Variants in ITGAL observed in about 807,000 individuals in gnomAD.
The protein encoded by ITGAL is integrin subunit alpha L.
Under a neutral mutation model 138.4 loss-of-function variants are expected in ITGAL, and 68 were observed. The ratio of observed to expected loss-of-function variants is 0.49; its 90% confidence interval spans 0.40 to 0.60. The LOEUF is 0.60. ITGAL is among the 20% of genes least tolerant of loss of function. The pLI, the probability that ITGAL is intolerant of heterozygous loss-of-function variation, is 0.00. For synonymous variants in ITGAL, 561 were observed against 584.3 expected (o/e 0.96, Z 0.57); for missense variants, 1,256 against 1,478.6 (o/e 0.85, Z 2.47).
In ITGAL at chr16:30,496,482, G is replaced by A. The variant is rs1471535570; in HGVS notation, c.1748G>A (p.Arg583His). ...QVLSGIQWFG[R>H]SIHGVKDLEG... ...CTCTCAGGAATTCAGTGGTTTGGACGCTCCATCCATGGGGTGAAGGACCTT... is the reference window on the plus strand; with the variant it reads ...CTCTCAGGAATTCAGTGGTTTGGACACTCCATCCATGGGGTGAAGGACCTT... Residue 583 changes from arginine (R) to histidine (H), a missense_variant, in exon 15 of 31, where the codon CGC becomes CAC. Arg to His is a conservative substitution (Grantham distance 29). Transcript: ENST00000356798. 1.2e-6 allele frequency: 2 copies of A among 1,613,602 alleles called. No individual in the cohort carries two copies. Among genetic ancestry groups the A allele is most frequent in the Admixed American group, 1.7e-5 (1 of 59,934 alleles).
chr16:30,520,767 G>A (rs1043082695), intron 30 of ITGAL, among the ~76,000 whole-genome samples: 1 of 152,200 alleles, frequency 6.6e-6, no homozygotes, highest in African/African-American at 2.4e-5. Flanking sequence ...GGCATTTGAG[G>A]TGGGATTTGA....
intron 17 of ITGAL, among the ~76,000 whole-genome samples, chr16:30,503,655 G>A (rs549131220): frequency 6.6e-6 from 1 of 151,840 alleles, no homozygotes; most frequent in African/African-American, 2.4e-5. Context: ...AAGGAAGGAA[G>A]GGAGAGCTCA....
chr16:30,516,541 A>C (rs904225715), intron 25 of ITGAL, among the ~76,000 whole-genome samples: 1 of 151,986 alleles, frequency 6.6e-6, no homozygotes, highest in African/African-American at 2.4e-5. Context: ...TGTGTCAAGC[A>C]GTAGGGGATT....
intron 4 of ITGAL, among the ~76,000 whole-genome samples, chr16:30,478,283 A>G (rs1310202097): frequency 1.3e-5 from 2 of 150,758 alleles, no homozygotes; most frequent in Admixed American, 1.3e-4. Context: ...GCAGTGAGCC[A>G]AGATCGCACC....
chr16:30,508,276 C>T (rs1455590370), intron 21 of ITGAL, among the ~76,000 whole-genome samples: 3 of 143,794 alleles, frequency 2.1e-5, no homozygotes, highest in Non-Finnish European at 4.5e-5. Context: ...TGCAATGGCG[C>T]AATCTCGGCT....
At chr16:30,488,276 T>C (rs748193213) in intron 9 of ITGAL, among the ~76,000 whole-genome samples, 1 of 151,844 alleles carries the variant, frequency 6.6e-6, no homozygotes, top group African/African-American at 2.4e-5. Flanking sequence ...AGATGGAGTA[T>C]AGAGAAGACT....
At chr16:30,493,078 G>A (rs111290078) in intron 11 of ITGAL, among the ~76,000 whole-genome samples, 1 of 151,520 alleles carries the variant, frequency 6.6e-6, no homozygotes, top group African/African-American at 2.4e-5. Flanking sequence ...GTAGAGACGG[G>A]GTCTCACTAT....
chr16:30,474,063 G>A (rs748504205), intron 1 of ITGAL, 133 bp from the exon 2 acceptor site: 2 of 715,516 alleles, frequency 2.8e-6, no homozygotes, highest in Non-Finnish European at 5.0e-6. Flanking sequence ...AGAAGTCAAC[G>A]CCCTGGAGGG....
intron 20 of ITGAL, among the ~76,000 whole-genome samples, 157 bp from the exon 21 acceptor site, chr16:30,506,558 C>CA (rs57722064): frequency 0.014 from 690 of 47,918 alleles, 144 homozygotes; most frequent in East Asian, 0.03. Context: ...GACTCCATCT[C>CA]AAAAAAAAAA....
Position 30,475,519 on chromosome 16 carries a change from A to G in ITGAL, c.266A>G (p.Asn89Ser). The G allele has an allele frequency of 6.2e-7, 1 of 1,613,996 alleles. No homozygotes were observed. The highest frequency in any genetic ancestry group is 8.5e-7 in the Non-Finnish European group (1 of 1,179,900). Residue 89 changes from asparagine (N) to serine (S), a missense_variant, in exon 4 of 31, where the codon AAC (asparagine) becomes AGC (serine). Around this residue, in one of 3 missense-constraint regions of ITGAL, gnomAD observed 212 missense variants for 217.4 expected, o/e 0.98. Coordinates refer to ENST00000356798, the MANE Select transcript of ITGAL (RefSeq NM_002209.3). The stretch of plus-strand genomic sequence containing the variant: ...AACCTTCTGGTGCCTACAGGTTCCA[A>G]CTATACCTCCAAGTACTTGGGAATG... ...HCLPVTLRGS[N>S]YTSKYLGMTL... is the part of the protein sequence containing the mutation.
At chr16:30,489,211 GGGTC>G in intron 10 of ITGAL, 39 bp from the exon 11 acceptor site, 1 of 1,613,930 alleles carries the variant, frequency 6.2e-7, no homozygotes, top group East Asian at 2.2e-5. Flanking sequence ...TCTGGGGGGT[GGGTC>G]GGTGGGTAGC....
chr16:30,478,519 A>G (rs543350606), intron 4 of ITGAL, among the ~76,000 whole-genome samples: 1 of 151,916 alleles, frequency 6.6e-6, no homozygotes, highest in Admixed American at 6.6e-5. Flanking sequence ...TAACACGGTG[A>G]AACCCCGTCT....
intron 30 of ITGAL, 127 bp downstream of exon 30, chr16:30,520,094 G>A (rs774227155): frequency 2.9e-6 from 2 of 680,272 alleles, no homozygotes; most frequent in South Asian, 1.7e-5. Context: ...GAGCCAGGGG[G>A]CCTCAGCCTA....
intron 11 of ITGAL, among the ~76,000 whole-genome samples, chr16:30,493,044 C>T (rs1164657625): frequency 6.6e-6 from 1 of 151,718 alleles, no homozygotes; most frequent in Non-Finnish European, 1.5e-5. Context: ...CATCACCACA[C>T]CTGGCTAGTT....
intron 17 of ITGAL, among the ~76,000 whole-genome samples, chr16:30,502,173 G>A (rs553617510): frequency 2.6e-5 from 4 of 152,144 alleles, no homozygotes; most frequent in East Asian, 1.9e-4. Flanking sequence ...CAAGGTGGGC[G>A]GATCACGAGG....
rs141014102 is a variant in ITGAL, at chr16:30,486,184, C to G, written c.1006+1921C>G. 7.9e-5 allele frequency among the ~76,000 whole-genome samples: 12 copies of G among 152,292 alleles called. No homozygotes were observed. The East Asian group carries it at 2.3e-3, about 29-fold the overall frequency. On this transcript the variant is annotated intron_variant, in intron 9 of 30. Coordinates refer to ENST00000356798, the MANE Select transcript of ITGAL (RefSeq NM_002209.3). ...CAGGAAAGTCTCCTTTGCTAGGACA[C>G]AGCCTTGGTGTTCGGTTCAGTTAAA...
chr16:30,515,614 G>A (rs2051155027), intron 25 of ITGAL, among the ~76,000 whole-genome samples: 1 of 152,070 alleles, frequency 6.6e-6, no homozygotes, highest in Non-Finnish European at 1.5e-5. Flanking sequence ...CCTCTCACCT[G>A]GTGCCATCCT....
At position 30,519,742 on chromosome 16, in the gene ITGAL, A is replaced by G. The variant is rs565575681; in HGVS notation, c.3229-115A>G. 8.1e-5 allele frequency: 59 copies of G among 727,030 alleles called. No individual in the cohort carries two copies. The South Asian group carries it at 9.1e-4, about 11-fold the overall frequency. 45.0% of individuals were successfully genotyped at this position (727,030 alleles called of 1,614,324 possible). On this transcript the variant is annotated intron_variant, in intron 29 of 30. Coordinates refer to ENST00000356798, the MANE Select transcript of ITGAL (RefSeq NM_002209.3). ...AAAGGGAGAGGGTCTGCAGCTGGAG[A>G]CTCCAGGCGGGTGATGCAGTCCGGA... is the stretch of plus-strand genomic sequence containing the variant.
intron 9 of ITGAL, among the ~76,000 whole-genome samples, chr16:30,487,011 C>T (rs1021913141): frequency 1.3e-5 from 2 of 151,656 alleles, no homozygotes; most frequent in African/African-American, 4.8e-5. Context: ...GGCGTGGTGG[C>T]GGGCGCCTGT....
Sources: gnomAD v4.1 joint callset for allele counts (sites outside exome capture counted in the v4.1 genomes callset) on GRCh38, gnomAD v4.1.1 for gene constraint, gnomAD v4.1.1 regional missense constraint, MANE v1.5 for transcripts, NCBI Gene and HGNC (gene_info 2026-07-23, HGNC 2026-07-21) for gene names.